Variants in COX7B2 observed in about 807,000 individuals in gnomAD.
The protein encoded by COX7B2 is cytochrome c oxidase subunit 7B2, mitochondrial.
For synonymous variants in COX7B2, 37 were observed against 32.1 expected, an observed-to-expected ratio of 1.15 and a Z score of -0.51; for missense variants, 109 against 95.9, an observed-to-expected ratio of 1.14 and a Z score of -0.57.
intron 2 of COX7B2, among the ~76,000 whole-genome samples, chr4:46,844,341 G>A (rs1228266606): frequency 6.6e-6 from 1 of 151,868 alleles, no homozygotes; most frequent in African/African-American, 2.4e-5. Flanking sequence ...ACTGACTCCA[G>A]ACACGGTCAT....
intron 2 of COX7B2, among the ~76,000 whole-genome samples, chr4:46,790,019 C>A (rs1432660026): frequency 1.3e-5 from 2 of 151,066 alleles, no homozygotes; most frequent in Non-Finnish European, 3.0e-5. Context: ...AAAAAAACAG[C>A]AAAAACTTGG....
chr4:46,900,800 C>T (rs2109894707), intron 1 of COX7B2, among the ~76,000 whole-genome samples: 1 of 152,246 alleles, frequency 6.6e-6, no homozygotes, highest in African/African-American at 2.4e-5. Context: ...GGTGCCCTCA[C>T]CAGACACCAA....
chr4:46,741,580 A>G (rs1714713329), intron 2 of COX7B2, among the ~76,000 whole-genome samples: 1 of 152,026 alleles, frequency 6.6e-6, no homozygotes, highest in Non-Finnish European at 1.5e-5. Flanking sequence ...CTAAGAAAAT[A>G]AATTATCCTG....
At chr4:46,737,031 G>A (rs553312113) in intron 2 of COX7B2, among the ~76,000 whole-genome samples, 1 of 152,252 alleles carries the variant, frequency 6.6e-6, no homozygotes, top group South Asian at 2.1e-4. Context: ...CTGCCTAACT[G>A]CCTTCCAAAG....
chr4:46,907,716 TAA>T (rs372895992), intron 1 of COX7B2, among the ~76,000 whole-genome samples: 1 of 143,298 alleles, frequency 7.0e-6, no homozygotes. Flanking sequence ...CACTGTGAGA[TAA>T]AAAAAAAAAT....
chr4:46,856,065 G>T (rs1314586122), intron 1 of COX7B2, among the ~76,000 whole-genome samples: 1 of 151,968 alleles, frequency 6.6e-6, no homozygotes, highest in African/African-American at 2.4e-5. Flanking sequence ...CCAACATAAA[G>T]AAACCCCGTC....
chr4:46,775,310 C>T (rs929282024), intron 2 of COX7B2, among the ~76,000 whole-genome samples: 5 of 151,996 alleles, frequency 3.3e-5, no homozygotes, highest in Admixed American at 6.6e-5. Context: ...TTTAGTGTTA[C>T]GGTCATATGT....
intron 1 of COX7B2, among the ~76,000 whole-genome samples, chr4:46,889,437 C>T (rs1334817912): frequency 6.6e-6 from 1 of 152,228 alleles, no homozygotes; most frequent in Admixed American, 6.5e-5. Flanking sequence ...TGCTCTCACA[C>T]ATTTTAACTC....
intron 1 of COX7B2, among the ~76,000 whole-genome samples, chr4:46,864,587 C>A (rs1397833114): frequency 1.3e-5 from 2 of 152,156 alleles, no homozygotes; most frequent in East Asian, 3.8e-4. Flanking sequence ...CAGGCACCAT[C>A]AGCCTATTCT....
intron 1 of COX7B2, among the ~76,000 whole-genome samples, chr4:46,869,577 T>G (rs1185596811): frequency 2.0e-5 from 3 of 152,188 alleles, no homozygotes; most frequent in Non-Finnish European, 4.4e-5. Flanking sequence ...GGTAACAAAC[T>G]CCCTCAACAT....
chr4:46,887,404 A>T (rs940498236), intron 1 of COX7B2, among the ~76,000 whole-genome samples: 2 of 152,154 alleles, frequency 1.3e-5, no homozygotes, highest in Non-Finnish European at 2.9e-5. Flanking sequence ...CATGTACATA[A>T]AACTACTTTA....
chr4:46,833,375 A>G (rs945737424), intron 2 of COX7B2, among the ~76,000 whole-genome samples: 16 of 152,204 alleles, frequency 1.1e-4, no homozygotes, highest in Non-Finnish European at 1.2e-4. Flanking sequence ...ATGTAACTAG[A>G]ATGAGAAAAG....
At chr4:46,745,199 C>T (rs938810585) in intron 2 of COX7B2, among the ~76,000 whole-genome samples, 22 of 152,320 alleles carry the variant, frequency 1.4e-4, no homozygotes, top group African/African-American at 5.3e-4. Context: ...GTAATCTTTT[C>T]CACCTTGCTT....
chr4:46,829,839 G>A (rs1160516519), intron 2 of COX7B2, among the ~76,000 whole-genome samples: 2 of 152,130 alleles, frequency 1.3e-5, no homozygotes, highest in East Asian at 3.8e-4. Flanking sequence ...CTGAAGGGCA[G>A]AATACAGATA....
chr4:46,741,760 T>C (rs1577647034), intron 2 of COX7B2, among the ~76,000 whole-genome samples: 1 of 152,112 alleles, frequency 6.6e-6, no homozygotes, highest in East Asian at 1.9e-4. Context: ...TCCAAACCTA[T>C]CTGATCCTAA....
intron 2 of COX7B2, among the ~76,000 whole-genome samples, chr4:46,740,701 A>G (rs1560344498): frequency 6.6e-6 from 1 of 152,138 alleles, no homozygotes; most frequent in Non-Finnish European, 1.5e-5. Flanking sequence ...TTAATGAAAA[A>G]GAAAATAATG....
intron 1 of COX7B2, among the ~76,000 whole-genome samples, chr4:46,866,440 A>G (rs1178656740): frequency 1.3e-5 from 2 of 152,188 alleles, no homozygotes; most frequent in African/African-American, 4.8e-5. Flanking sequence ...TTCTTTTAGG[A>G]GTAGTTTTCT....
At chr4:46,820,080 A>C (rs948916785) in intron 2 of COX7B2, among the ~76,000 whole-genome samples, 1 of 152,226 alleles carries the variant, frequency 6.6e-6, no homozygotes, top group African/African-American at 2.4e-5. Flanking sequence ...TGATTCAAGC[A>C]CGTTACATTT....
At chr4:46,760,149 C>T (rs944171471) in intron 2 of COX7B2, among the ~76,000 whole-genome samples, 14 of 152,004 alleles carry the variant, frequency 9.2e-5, no homozygotes, top group Admixed American at 3.9e-4. Context: ...GACAGTGTGG[C>T]GATTCCTCAA....
Sources: allele counts gnomAD v4.1 joint callset (sites outside exome capture counted in the v4.1 genomes callset), GRCh38; gene constraint gnomAD v4.1.1; transcripts MANE v1.5; gene names NCBI Gene and HGNC (gene_info 2026-07-23, HGNC 2026-07-21).